Variants in NIPAL2 observed in about 807,000 individuals in gnomAD.
NIPAL2 encodes the protein NIPA-like protein 2.
A neutral mutation model predicts 48.9 loss-of-function variants in NIPAL2; 43 were observed. The observed-to-expected ratio is 0.88, with a 90% CI of 0.69 to 1.13. NIPAL2 has a LOEUF of 1.13. Among genes scored for constraint, NIPAL2 ranks in the 50% most tolerant of loss-of-function variants. The pLI is 0.00. For synonymous variants in NIPAL2, 167 were observed against 174.6 expected, an observed-to-expected ratio of 0.96 and a Z score of 0.34; for missense variants, 446 against 461.4, an observed-to-expected ratio of 0.97 and a Z score of 0.31.
chr8:98,274,562 A>G (rs1464172883), intron 1 of NIPAL2, among the ~76,000 whole-genome samples: 1 of 151,954 alleles, frequency 6.6e-6, no homozygotes, highest in Admixed American at 6.6e-5. Flanking sequence ...AATCTCAATA[A>G]TGTTTTTGTT....
chr8:98,283,110 C>T (rs1396885721), intron 1 of NIPAL2, among the ~76,000 whole-genome samples: 1 of 152,218 alleles, frequency 6.6e-6, no homozygotes. Context: ...AAAACCCCAA[C>T]ATATTGCCTT....
At chr8:98,202,331 CA>C (rs1445345421) in intron 8 of NIPAL2, among the ~76,000 whole-genome samples, 2 of 152,154 alleles carry the variant, frequency 1.3e-5, no homozygotes, top group Non-Finnish European at 2.9e-5. Context: ...GGCCCAGAGA[CA>C]AGACTCAAGA....
intron 3 of NIPAL2, among the ~76,000 whole-genome samples, chr8:98,250,277 T>C (rs578118741): frequency 1.9e-4 from 29 of 152,310 alleles, no homozygotes; most frequent in African/African-American, 6.3e-4. Context: ...AAAAAAGTTA[T>C]AACATAGGAA....
intron 4 of NIPAL2, among the ~76,000 whole-genome samples, chr8:98,230,802 A>G (rs1167631733): frequency 6.6e-6 from 1 of 152,172 alleles, no homozygotes; most frequent in Non-Finnish European, 1.5e-5. Context: ...TTGGAATCTA[A>G]GATGTACTTG....
intron 5 of NIPAL2, among the ~76,000 whole-genome samples, chr8:98,220,847 CAA>C (rs1382640513): frequency 6.6e-6 from 1 of 151,764 alleles, no homozygotes; most frequent in Non-Finnish European, 1.5e-5. Context: ...ACTTCTGTGA[CAA>C]GTTGCATATC....
chr8:98,227,807 A>G (rs1812251022), intron 4 of NIPAL2, among the ~76,000 whole-genome samples: 1 of 152,160 alleles, frequency 6.6e-6, no homozygotes, highest in Non-Finnish European at 1.5e-5. Context: ...TTCTAATCCT[A>G]GCACAGCACC....
chr8:98,257,095 C>A (rs1283772431), intron 1 of NIPAL2, among the ~76,000 whole-genome samples: 1 of 152,130 alleles, frequency 6.6e-6, no homozygotes, highest in Non-Finnish European at 1.5e-5. Context: ...CAAAGTTAAC[C>A]TGAAAAACTA....
intron 8 of NIPAL2, among the ~76,000 whole-genome samples, chr8:98,201,929 C>T (rs1262407417): frequency 2.0e-5 from 3 of 152,090 alleles, no homozygotes; most frequent in Admixed American, 2.0e-4. Context: ...AGACAATCCT[C>T]AGTTACTCCT....
chr8:98,222,592 G>A lies in NIPAL2; in HGVS notation c.445C>T (p.Leu149=). ...LRASDLLGTT[L]AFAGTYLLVN... ...AGTAAATATGTTCCTGCAAATGCCA[G>A]TGTCGTACCTTTAAATAAAATTGAA... Residue 149 remains leucine (L), a synonymous_variant, in exon 5 of 11, where the codon CTG becomes TTG. Coordinates refer to ENST00000430223, the MANE Select transcript of NIPAL2 (RefSeq NM_001321635.2). 1 of 1,609,654 alleles carries A rather than the reference G, an allele frequency of 6.2e-7. No individual in the cohort carries two copies. The highest frequency in any genetic ancestry group is 2.2e-5 in the East Asian group (1 of 44,848).
chr8:98,290,470 T>A (rs974710632), intron 1 of NIPAL2, among the ~76,000 whole-genome samples: 6 of 152,230 alleles, frequency 3.9e-5, no homozygotes, highest in African/African-American at 1.4e-4. Flanking sequence ...ACATTTTCCC[T>A]CTTCTGTCCA....
At chr8:98,277,880 A>G (rs1338198907) in intron 1 of NIPAL2, among the ~76,000 whole-genome samples, 1 of 152,312 alleles carries the variant, frequency 6.6e-6, no homozygotes, top group East Asian at 1.9e-4. Context: ...ATCCGTTGAT[A>G]GATATTTGGG....
intron 4 of NIPAL2, among the ~76,000 whole-genome samples, chr8:98,222,881 A>G (rs1166341294): frequency 1.3e-5 from 2 of 152,206 alleles, no homozygotes; most frequent in African/African-American, 2.4e-5. Context: ...ACTTTCCCCA[A>G]TGATTGGGAA....
chr8:98,286,812 CAAAAAA>C, intron 1 of NIPAL2, among the ~76,000 whole-genome samples: 1 of 57,874 alleles, frequency 1.7e-5, no homozygotes, highest in Admixed American at 1.9e-4. Context: ...GAGACTCTGT[CAAAAAA>C]AAAAAAAAAA....
At chr8:98,287,705 T>C (rs1384370075) in intron 1 of NIPAL2, among the ~76,000 whole-genome samples, 1 of 152,206 alleles carries the variant, frequency 6.6e-6, no homozygotes, top group Non-Finnish European at 1.5e-5. Context: ...ACAACAACTC[T>C]ATAAGGTACA....
intron 4 of NIPAL2, among the ~76,000 whole-genome samples, chr8:98,229,954 G>A (rs1313098007): frequency 3.3e-5 from 5 of 152,066 alleles, no homozygotes; most frequent in African/African-American, 9.7e-5. Flanking sequence ...CATATAATAT[G>A]AATACTATAT....
At chr8:98,206,223 A>G (rs1002004178) in intron 6 of NIPAL2, among the ~76,000 whole-genome samples, 4 of 152,140 alleles carry the variant, frequency 2.6e-5, no homozygotes, top group African/African-American at 4.8e-5. Context: ...CGAAGGAGAA[A>G]TACTCCTTTT....
Position 98,220,964 on chromosome 8 carries a change from CTTTTTTTTTT to C in NIPAL2, c.558+1505_558+1514del, listed in dbSNP as rs557824737. ...TATTTCTCTATCAGTTCATTTCATT[CTTTTTTTTTT>C]TTTTTTTTTTTTTTTTTTTTGACAG... On this transcript the variant is annotated intron_variant, in intron 5 of 10. Coordinates refer to ENST00000430223, the MANE Select transcript of NIPAL2 (RefSeq NM_001321635.2). 7.4e-3 allele frequency among the ~76,000 whole-genome samples: 510 copies of C among 68,688 alleles called. 3 individuals carry two copies. Among genetic ancestry groups the C allele is most frequent in the African/African-American group, 0.028 (437 of 15,708 alleles). 45.1% of individuals were successfully genotyped at this position (68,688 alleles called of 152,430 possible). A position where few individuals can be genotyped will look rare whatever the true frequency, so the allele number is the denominator to read the frequency against.
chr8:98,228,092 A>G (rs1390376160), intron 4 of NIPAL2, among the ~76,000 whole-genome samples: 1 of 152,292 alleles, frequency 6.6e-6, no homozygotes, highest in East Asian at 1.9e-4. Context: ...CCACTTGGCC[A>G]CTGCTGGAGG....
chr8:98,267,409 G>T (rs1814840099), intron 1 of NIPAL2, among the ~76,000 whole-genome samples: 1 of 149,780 alleles, frequency 6.7e-6, no homozygotes, highest in Non-Finnish European at 1.5e-5. Flanking sequence ...CTGCAGCTTT[G>T]ACCTTCTGGG....
Sources: allele counts gnomAD v4.1 joint callset (sites outside exome capture counted in the v4.1 genomes callset), GRCh38; gene constraint gnomAD v4.1.1; transcripts MANE v1.5; gene names NCBI Gene and HGNC (gene_info 2026-07-23, HGNC 2026-07-21).